Variants in PDE8B observed in about 807,000 individuals in gnomAD.
PDE8B encodes phosphodiesterase 8B.
A neutral mutation model predicts 101.3 loss-of-function variants in PDE8B; 26 were observed. The ratio of observed to expected loss-of-function variants is 0.26; its 90% CI spans 0.19 to 0.36. PDE8B has a LOEUF of 0.36. Among genes scored for constraint, PDE8B ranks in the 10% least tolerant of loss-of-function variants. The probability of loss-of-function intolerance (pLI) is 1.00; values close to 1 mark genes in which losing one functional copy is unlikely to be tolerated. For missense variants in PDE8B, 810 were observed against 1,163.1 expected, an observed-to-expected ratio of 0.70 and a Z score of 4.42; for synonymous variants, 424 against 429.3, an observed-to-expected ratio of 0.99 and a Z score of 0.15.
intron 3 of PDE8B, among the ~76,000 whole-genome samples, chr5:77,327,881 A>G (rs1220217783): frequency 6.6e-6 from 1 of 152,140 alleles, no homozygotes; most frequent in Admixed American, 6.5e-5. Flanking sequence ...CCCCCCACAC[A>G]GTGTGAGGGC....
At chr5:77,089,655 C>T in the PDE8B span, among the ~76,000 whole-genome samples, 2 of 152,078 alleles carry the variant, frequency 1.3e-5, no homozygotes, top group African/African-American at 4.8e-5. Flanking sequence ...CTTACAGCTA[C>T]GGACATCTGA....
At chr5:77,229,106 T>C (rs1753007640) in intron 1 of PDE8B, among the ~76,000 whole-genome samples, 1 of 152,122 alleles carries the variant, frequency 6.6e-6, no homozygotes, top group Non-Finnish European at 1.5e-5. Flanking sequence ...GTAAATTAAG[T>C]GGCTGATGAT....
the PDE8B span, among the ~76,000 whole-genome samples, chr5:77,154,926 G>C: frequency 6.6e-6 from 1 of 152,182 alleles, no homozygotes. Flanking sequence ...AGCGGTGGCA[G>C]GGAGAGACCT....
rs556739116 is a variant in PDE8B, at chr5:77,234,632, C to A, written c.339+23368C>A. Among the ~76,000 whole-genome samples, 84 of 152,324 alleles carry A rather than the reference C, an allele frequency of 5.5e-4. 1 individual carries two copies. In the South Asian group the frequency reaches 0.013, roughly 24 times the overall value. The stretch of plus-strand genomic sequence containing the variant: ...TGTCTAGTCTACCAGAGACTCCAGT[C>A]TGGCCTTCCCTACATAGTACCTTTC... On this transcript the variant is annotated intron_variant, in intron 1 of 21. Transcript: ENST00000264917.
intron 1 of PDE8B, among the ~76,000 whole-genome samples, chr5:77,276,006 G>A (rs1408424215): frequency 6.6e-6 from 1 of 152,134 alleles, no homozygotes; most frequent in Non-Finnish European, 1.5e-5. Flanking sequence ...AAAAAATAAA[G>A]TTCAAAATAT....
At chr5:77,090,234 T>C in the PDE8B span, among the ~76,000 whole-genome samples, 111 of 152,242 alleles carry the variant, frequency 7.3e-4, 3 homozygotes, top group East Asian at 0.014. Flanking sequence ...AAAGAGAAGA[T>C]TTTTTTCTTT....
At chr5:77,100,467 AG>A in the PDE8B span, 1 of 152,316 alleles carries the variant, frequency 6.6e-6, no homozygotes, top group Non-Finnish European at 1.5e-5. Context: ...AGGAAAGAAA[AG>A]GCAAACCAAT....
intron 10 of PDE8B, among the ~76,000 whole-genome samples, chr5:77,399,575 G>A (rs944972889): frequency 2.0e-5 from 3 of 152,188 alleles, no homozygotes; most frequent in African/African-American, 7.2e-5. Context: ...GTTGGGGTCA[G>A]TTATAAAACA....
At chr5:77,194,803 G>T in the PDE8B span, among the ~76,000 whole-genome samples, 2 of 152,244 alleles carry the variant, frequency 1.3e-5, no homozygotes, top group South Asian at 4.1e-4. Context: ...ATATTCCATT[G>T]TATGGATATA....
At chr5:77,278,271 T>A (rs1468623749) in intron 1 of PDE8B, among the ~76,000 whole-genome samples, 1 of 152,218 alleles carries the variant, frequency 6.6e-6, no homozygotes, top group Admixed American at 6.5e-5. Flanking sequence ...ACCTGACTTC[T>A]GGCTAAAGGG....
the PDE8B span, among the ~76,000 whole-genome samples, chr5:77,192,122 C>T: frequency 6.6e-6 from 1 of 152,210 alleles, no homozygotes; most frequent in Non-Finnish European, 1.5e-5. Flanking sequence ...GCCTACCGCT[C>T]ACCTCCTGCT....
In PDE8B at chr5:77,344,871, T is replaced by C; in HGVS notation, c.816T>C (p.Phe272=). 2 of 1,609,276 alleles carry C rather than the reference T, an allele frequency of 1.2e-6. No homozygotes were observed. Among genetic ancestry groups the C allele is most frequent in the South Asian group, 1.1e-5 (1 of 90,978 alleles). ...CTTTCAGGGCCTGTAATTCAGTGTT[T>C]ACAGCATTAGATCACTGTCATGAAG... The part of the protein sequence containing the change: ...QFKLRACNSV[F]TALDHCHEAI... The change falls in exon 7 of 22, where the codon TTT becomes TTC. Residue 272 remains phenylalanine, a synonymous_variant. Transcript: ENST00000264917.
intron 1 of PDE8B, among the ~76,000 whole-genome samples, chr5:77,232,262 T>C (rs747126600): frequency 6.6e-6 from 1 of 152,262 alleles, no homozygotes; most frequent in Non-Finnish European, 1.5e-5. Flanking sequence ...AACTTTGTTA[T>C]GAAGTCTCTT....
the PDE8B span, chr5:77,151,106 C>A: frequency 6.6e-6 from 1 of 152,282 alleles, no homozygotes; most frequent in Non-Finnish European, 1.5e-5. Context: ...CATGTCCTAG[C>A]CTCCTTTATA....
At chr5:77,231,884 T>G (rs1300821986) in intron 1 of PDE8B, among the ~76,000 whole-genome samples, 1 of 152,152 alleles carries the variant, frequency 6.6e-6, no homozygotes, top group Non-Finnish European at 1.5e-5. Context: ...GGGAAAGAAG[T>G]GACTTGACCT....
At chr5:77,344,555 A>G (rs1779816828) in intron 6 of PDE8B, among the ~76,000 whole-genome samples, 1 of 152,222 alleles carries the variant, frequency 6.6e-6, no homozygotes, top group Admixed American at 6.5e-5. Flanking sequence ...ATGTCCTCAC[A>G]TGGCAGAAAG....
intron 1 of PDE8B, among the ~76,000 whole-genome samples, chr5:77,220,908 C>A (rs778497928): frequency 2.0e-5 from 3 of 152,068 alleles, no homozygotes; most frequent in Non-Finnish European, 4.4e-5. Context: ...GAGGCACAGG[C>A]GGCTCAAGTA....
At chr5:77,249,496 G>A (rs1757623107) in intron 1 of PDE8B, among the ~76,000 whole-genome samples, 1 of 152,208 alleles carries the variant, frequency 6.6e-6, no homozygotes, top group African/African-American at 2.4e-5. Flanking sequence ...TTTCATGGCT[G>A]TATCTACCAA....
chr5:77,260,659 C>G lies in PDE8B; in HGVS notation c.339+49395C>G, dbSNP rs1239957514. Among the ~76,000 whole-genome samples the G allele has an allele frequency of 5.5e-5, 8 of 144,158 alleles. No individual in the cohort carries two copies. The Admixed American group carries it at 5.8e-4, about 10-fold the overall frequency. 94.6% of individuals were successfully genotyped at this position (144,158 alleles called of 152,430 possible). On this transcript the variant is annotated intron_variant, in intron 1 of 21. Transcript: ENST00000264917. ...CTGGAGTGCAATGGTGCAATCTCAGCTCATTGCAACCTCTGCCTCCCGGGT... is the reference window on the plus strand; with the variant it reads ...CTGGAGTGCAATGGTGCAATCTCAGGTCATTGCAACCTCTGCCTCCCGGGT...
Sources: allele counts gnomAD v4.1 joint callset (sites outside exome capture counted in the v4.1 genomes callset), GRCh38; gene constraint gnomAD v4.1.1; transcripts MANE v1.5; gene names NCBI Gene and HGNC (gene_info 2026-07-23, HGNC 2026-07-21).